The following MAST3 variants were observed in gnomAD, a reference collection of about 807,000 sequenced individuals.
The protein encoded by MAST3 is microtubule associated serine/threonine kinase 3.
Under a neutral mutation model 127.0 loss-of-function variants are expected in MAST3, and 43 were observed. The observed-to-expected ratio is 0.34, with a 90% CI of 0.27 to 0.44. The LOEUF is 0.44. Among genes scored for constraint, MAST3 ranks in the 20% least tolerant of loss-of-function variants. The pLI, the probability that MAST3 is intolerant of heterozygous loss-of-function variation, is 1.00. For missense variants in MAST3, 1,390 were observed against 1,919.1 expected, an observed-to-expected ratio of 0.72 and a Z score of 5.15; for synonymous variants, 785 against 809.2, an observed-to-expected ratio of 0.97 and a Z score of 0.51.
chr19:18,110,837 C>A lies in MAST3; in HGVS notation c.161+96C>A, dbSNP rs273506. 30 of 520,660 alleles carry A rather than the reference C, an allele frequency of 5.8e-5. No individual in the cohort carries two copies. Among genetic ancestry groups the A allele is most frequent in the Admixed American group, 2.6e-4 (4 of 15,678 alleles). 32.3% of individuals were successfully genotyped at this position (520,660 alleles called of 1,614,324 possible). A position where few individuals can be genotyped will look rare whatever the true frequency, so the allele number is the denominator to read the frequency against. ...ACTCATCGGTCTCCTCAAGATACTG[C>A]AGGTTGGTGACATCACCTCTCTGGG... On this transcript the variant is annotated intron_variant, in intron 3 of 27. Coordinates refer to ENST00000687212, the MANE Select transcript of MAST3 (RefSeq NM_001393504.1). This position sits in a 1 kb window ranked among gnomAD's most constrained non-coding sequence, Gnocchi z 4.3.
chr19:18,108,351 GTT>G (rs35579185), intron 2 of MAST3, among the ~76,000 whole-genome samples: 18,605 of 145,930 alleles, frequency 0.13, 1,309 homozygotes, highest in Admixed American at 0.16. Flanking sequence ...TGTAGGTTGG[GTT>G]TTTTTTTTTT....
Position 18,110,784 on chromosome 19 carries a change from G to C in MAST3, c.161+43G>C, listed in dbSNP as rs1427316207. ...TGGGCGGGGCGCAGACATCGCCCTG[G>C]CACCCCAGAGCCTTGGAAACCCTCC... On this transcript the variant is annotated intron_variant, in intron 3 of 27. Coordinates refer to ENST00000687212, the MANE Select transcript of MAST3 (RefSeq NM_001393504.1). The surrounding 1 kb of genome is among the most constrained non-coding windows in gnomAD (Gnocchi z 4.3). The C allele has an allele frequency of 1.1e-6, 1 of 922,966 alleles. No individual in the cohort carries two copies. The highest frequency in any genetic ancestry group is 6.2e-5 in the Admixed American group (1 of 16,158). The allele number at this position is 922,966 out of a possible 1,614,324, so 57.2% of individuals were successfully genotyped here.
rs2042873016 is a variant in MAST3, at chr19:18,144,872, C to G, written c.2813-131C>G. On this transcript the variant is annotated intron_variant, in intron 23 of 27. Coordinates refer to ENST00000687212, the MANE Select transcript of MAST3 (RefSeq NM_001393504.1). The surrounding 1 kb of genome is among the most constrained non-coding windows in gnomAD (Gnocchi z 4.0). Reference sequence around the variant, plus strand: ...TAGAGGGCACTGCACGTGCAAAGGCCTGGTGGGGTGACCATGCTTGGGACA... The same window carrying G: ...TAGAGGGCACTGCACGTGCAAAGGCGTGGTGGGGTGACCATGCTTGGGACA... 2 of 859,460 alleles carry G rather than the reference C, an allele frequency of 2.3e-6. No individual in the cohort carries two copies. Among genetic ancestry groups the G allele is most frequent in the Non-Finnish European group, 3.7e-6 (2 of 534,654 alleles). 53.2% of individuals were successfully genotyped at this position (859,460 alleles called of 1,614,324 possible). A position where few individuals can be genotyped will look rare whatever the true frequency, so the allele number is the denominator to read the frequency against.
At position 18,146,943 on chromosome 19, in the gene MAST3, C is replaced by T. The variant is rs1464126978; in HGVS notation, c.3225C>T (p.Pro1075=). 12 of 1,559,014 alleles carry T rather than the reference C, an allele frequency of 7.7e-6. No individual in the cohort carries two copies. The highest frequency in any genetic ancestry group is 3.9e-5 in the Admixed American group (2 of 51,674). The change falls in exon 26 of 28, where the codon CCC becomes CCT. Residue 1075 remains proline (P), a synonymous_variant. Transcript: ENST00000687212. ...AGAACACCTCCATCAAGGTGGGCCCCGCCCGGAAGAATGTGGCCAAGGGCC... is the reference window on the plus strand; with the variant it reads ...AGAACACCTCCATCAAGGTGGGCCCTGCCCGGAAGAATGTGGCCAAGGGCC... The part of the protein sequence containing the change: ...ALENTSIKVG[P]ARKNVAKGRM...
intron 3 of MAST3, chr19:18,118,106 C>T: frequency 1.0e-6 from 1 of 985,376 alleles, no homozygotes; most frequent in Non-Finnish European, 1.2e-6. Context: ...GGGGCCGATC[C>T]CACCGCCGAG....
At chr19:18,135,246 T>C (rs1046741880) in intron 17 of MAST3, among the ~76,000 whole-genome samples, 1 of 151,780 alleles carries the variant, frequency 6.6e-6, no homozygotes. Context: ...GGGAGGATCA[T>C]ATAAGGTCAG....
chr19:18,148,139 T>A (rs778665088), intron 27 of MAST3, among the ~76,000 whole-genome samples: 2 of 151,998 alleles, frequency 1.3e-5, no homozygotes, highest in African/African-American at 2.4e-5. Context: ...CCGTCTGTAC[T>A]AAAAATACAA....
intron 18 of MAST3, among the ~76,000 whole-genome samples, chr19:18,136,606 A>C (rs1354489599): frequency 6.6e-6 from 1 of 151,584 alleles, no homozygotes; most frequent in Non-Finnish European, 1.5e-5. Context: ...GGTAGAGACG[A>C]AATTGAGACG....
chr19:18,110,786 AC>A lies in MAST3; in HGVS notation c.161+49del. On this transcript the variant is annotated intron_variant, in intron 3 of 27. Coordinates refer to ENST00000687212, the MANE Select transcript of MAST3 (RefSeq NM_001393504.1). This position sits in a 1 kb window ranked among gnomAD's most constrained non-coding sequence, Gnocchi z 4.3. Reference sequence around the variant, plus strand: ...GGCGGGGCGCAGACATCGCCCTGGCACCCCAGAGCCTTGGAAACCCTCCAGA... The same window carrying A: ...GGCGGGGCGCAGACATCGCCCTGGCACCCAGAGCCTTGGAAACCCTCCAGA... 1 of 924,556 alleles carries A rather than the reference AC, an allele frequency of 1.1e-6. No homozygotes were observed. Among genetic ancestry groups the A allele is most frequent in the South Asian group, 5.0e-5 (1 of 20,060 alleles). The allele number at this position is 924,556 out of a possible 1,614,324, so 57.3% of individuals were successfully genotyped here.
chr19:18,135,110 G>A (rs1166998049), intron 17 of MAST3, 128 bp downstream of exon 17: 39 of 1,127,038 alleles, frequency 3.5e-5, no homozygotes, highest in South Asian at 1.1e-4. Context: ...GTGGGGAGGC[G>A]GTGGGGTGCT....
At position 18,110,099 on chromosome 19, in the gene MAST3, C is replaced by G. The variant is rs1235785130; in HGVS notation, c.72-553C>G. ...CGCTGCGCGACCCTCGCTGCCGGGC[C>G]GGGCCTGCGCGCAGGTGCGGAGCTG... is the stretch of plus-strand genomic sequence containing the variant. On this transcript the variant is annotated intron_variant, in intron 2 of 27. Coordinates refer to ENST00000687212, the MANE Select transcript of MAST3 (RefSeq NM_001393504.1). The surrounding 1 kb of genome is among the most constrained non-coding windows in gnomAD (Gnocchi z 4.3). The G allele has an allele frequency of 1.0e-6, 1 of 985,288 alleles. No individual in the cohort carries two copies. Among genetic ancestry groups the G allele is most frequent in the Non-Finnish European group, 1.2e-6 (1 of 829,888 alleles). 61.0% of individuals were successfully genotyped at this position (985,288 alleles called of 1,614,324 possible). A position where few individuals can be genotyped will look rare whatever the true frequency, so the allele number is the denominator to read the frequency against.
chr19:18,103,291 G>A (rs1002187177), intron 1 of MAST3, among the ~76,000 whole-genome samples: 4 of 152,032 alleles, frequency 2.6e-5, no homozygotes, highest in Non-Finnish European at 2.9e-5. Flanking sequence ...GTAATCCAGC[G>A]TTTTGGGAGG....
chr19:18,116,307 T>G (rs1475497609), intron 3 of MAST3, among the ~76,000 whole-genome samples: 2 of 150,974 alleles, frequency 1.3e-5, no homozygotes, highest in Non-Finnish European at 3.0e-5. Flanking sequence ...TTTTTATTTT[T>G]TTGAGACAGA....
In MAST3 at chr19:18,132,014, A is replaced by G; in HGVS notation, c.1538A>G (p.Tyr513Cys). ...TTGGCGCTGGAGTACCTGCATAACT[A>G]TGGCATCGTGCACCGTGACCTCAAA... is the stretch of plus-strand genomic sequence containing the variant. ...TVLALEYLHN[Y>C]GIVHRDLKPD... The change falls in exon 15 of 28, where the codon TAT becomes TGT. Residue 513 changes from tyrosine (Y) to cysteine (C), a missense_variant. Tyr to Cys is a radical substitution (Grantham distance 194). Around this residue, in one of 5 missense-constraint regions of MAST3, gnomAD observed 191 missense variants for 409.0 expected, o/e 0.47. Coordinates refer to ENST00000687212, the MANE Select transcript of MAST3 (RefSeq NM_001393504.1). 1 of 1,614,108 alleles carries G rather than the reference A, an allele frequency of 6.2e-7. No homozygotes were observed. The highest frequency in any genetic ancestry group is 1.1e-5 in the South Asian group (1 of 91,076).
At chr19:18,134,060 G>A (rs2041628156) in intron 15 of MAST3, among the ~76,000 whole-genome samples, 1 of 151,956 alleles carries the variant, frequency 6.6e-6, no homozygotes, top group Non-Finnish European at 1.5e-5. Flanking sequence ...ATCATTTAAT[G>A]AACTATGTAG....
At position 18,144,852 on chromosome 19, in the gene MAST3, G is replaced by A. The variant is rs967107952; in HGVS notation, c.2813-151G>A. The A allele has an allele frequency of 1.1e-6, 1 of 876,354 alleles. No homozygotes were observed. 54.3% of individuals were successfully genotyped at this position (876,354 alleles called of 1,614,324 possible). On this transcript the variant is annotated intron_variant, in intron 23 of 27. Coordinates refer to ENST00000687212, the MANE Select transcript of MAST3 (RefSeq NM_001393504.1). This position sits in a 1 kb window ranked among gnomAD's most constrained non-coding sequence, Gnocchi z 4.0. ...TGGGGAGATGGTGTTCCCAGTAGAGGGCACTGCACGTGCAAAGGCCTGGTG... is the reference window on the plus strand; with the variant it reads ...TGGGGAGATGGTGTTCCCAGTAGAGAGCACTGCACGTGCAAAGGCCTGGTG...
At chr19:18,143,626 A>G (rs2042741277) in intron 21 of MAST3, 137 bp from the exon 22 acceptor site, 3 of 1,071,954 alleles carry the variant, frequency 2.8e-6, no homozygotes, top group Middle Eastern at 3.0e-4. Flanking sequence ...AGGACAGTGC[A>G]GACAGAAGGA....
chr19:18,148,336 C>T (rs1040618493), intron 27 of MAST3, among the ~76,000 whole-genome samples: 1 of 151,880 alleles, frequency 6.6e-6, no homozygotes, highest in African/African-American at 2.4e-5. Context: ...GTGGTGCACA[C>T]ATGTGGTCCC....
In MAST3 at chr19:18,110,536, C is replaced by A. The variant is rs2038475706; in HGVS notation, c.72-116C>A. 7.1e-6 allele frequency: 6 copies of A among 846,982 alleles called. No homozygotes were observed. The highest frequency in any genetic ancestry group is 6.2e-5 in the Admixed American group (1 of 16,108). 52.5% of individuals were successfully genotyped at this position (846,982 alleles called of 1,614,324 possible). ...TCACGTCCTGAGCTGAACCCAGAAT[C>A]CCCGGTCTTGGGCCCCTACTCCCTG... On this transcript the variant is annotated intron_variant, in intron 2 of 27. Transcript: ENST00000687212. This position sits in a 1 kb window ranked among gnomAD's most constrained non-coding sequence, Gnocchi z 4.3.
Sources: gnomAD v4.1 joint callset for allele counts (sites outside exome capture counted in the v4.1 genomes callset) on GRCh38, gnomAD v4.1.1 for gene constraint, gnomAD v4.1.1 regional missense constraint, Gnocchi (gnomAD v3.1) non-coding constraint, MANE v1.5 for transcripts, NCBI Gene and HGNC (gene_info 2026-07-23, HGNC 2026-07-21) for gene names.